Variants in TNS3 observed in about 807,000 individuals in gnomAD.
The protein encoded by TNS3 is tensin-3.
Under a neutral mutation model 140.9 loss-of-function variants are expected in TNS3, and 45 were observed. The ratio of observed to expected loss-of-function variants is 0.32; its 90% CI spans 0.25 to 0.41. The LOEUF (loss-of-function observed/expected upper bound fraction) is 0.41. Among genes scored for constraint, TNS3 ranks in the 10% least tolerant of loss-of-function variants. The pLI is 1.00. For synonymous variants in TNS3, 815 were observed against 788.4 expected, an observed-to-expected ratio of 1.03 and a Z score of -0.56; for missense variants, 1,716 against 1,906.7, an observed-to-expected ratio of 0.90 and a Z score of 1.86.
intron 10 of TNS3, 117 bp downstream of exon 10, chr7:47,423,984 C>G: frequency 9.5e-7 from 1 of 1,050,440 alleles, no homozygotes; most frequent in East Asian, 2.5e-5. Flanking sequence ...TTTGGCATGA[C>G]CCAAGAATAC....
intron 16 of TNS3, among the ~76,000 whole-genome samples, chr7:47,383,170 C>T (rs561902761): frequency 6.6e-6 from 1 of 152,350 alleles, no homozygotes; most frequent in Admixed American, 6.5e-5. Flanking sequence ...CCCAAATGCA[C>T]ACCAGCTAAC....
At chr7:47,471,689 A>G (rs1250080374) in intron 4 of TNS3, among the ~76,000 whole-genome samples, 3 of 152,228 alleles carry the variant, frequency 2.0e-5, no homozygotes, top group Non-Finnish European at 2.9e-5. Flanking sequence ...ATCTGAGCAG[A>G]ATGCGGCAGT....
At chr7:47,339,833 C>T (rs1788847280) in intron 20 of TNS3, among the ~76,000 whole-genome samples, 1 of 151,660 alleles carries the variant, frequency 6.6e-6, no homozygotes, top group Admixed American at 6.6e-5. Context: ...TATGTCTCCC[C>T]ACTTATTGAA....
intron 17 of TNS3, among the ~76,000 whole-genome samples, chr7:47,348,490 A>G (rs1789478516): frequency 6.6e-6 from 1 of 152,210 alleles, no homozygotes; most frequent in East Asian, 1.9e-4. Context: ...TCAACATGCA[A>G]GATAATATGT....
At chr7:47,555,619 C>A (rs1033010117) in intron 1 of TNS3, among the ~76,000 whole-genome samples, 3 of 152,174 alleles carry the variant, frequency 2.0e-5, no homozygotes, top group African/African-American at 7.2e-5. Flanking sequence ...GCCACAGCCA[C>A]CCCAACCTTC....
At chr7:47,421,003 T>A (rs1416791282) in intron 10 of TNS3, among the ~76,000 whole-genome samples, 1 of 152,170 alleles carries the variant, frequency 6.6e-6, no homozygotes, top group Non-Finnish European at 1.5e-5. Context: ...ATAGACAACA[T>A]GACTGATGGT....
chr7:47,289,494 T>C (rs886412669), intron 27 of TNS3, among the ~76,000 whole-genome samples: 64 of 152,302 alleles, frequency 4.2e-4, no homozygotes, highest in African/African-American at 1.5e-3. Context: ...CCACTACGAC[T>C]GCATCTAATG....
intron 3 of TNS3, among the ~76,000 whole-genome samples, chr7:47,482,199 A>C (rs1371264317): frequency 8.5e-5 from 13 of 152,234 alleles, no homozygotes; most frequent in Non-Finnish European, 1.9e-4. Flanking sequence ...GGAGAATCGT[A>C]GAGAATCTCA....
chr7:47,484,071 G>C (rs1026911521), intron 3 of TNS3, among the ~76,000 whole-genome samples: 9 of 152,232 alleles, frequency 5.9e-5, no homozygotes, highest in Non-Finnish European at 1.2e-4. Flanking sequence ...GCCTTGCCCT[G>C]AGCCTCCACA....
rs1794762729 is a variant in TNS3 at position 47,428,342 on chromosome 7, G to A, written c.359C>T (p.Ser120Phe). The change falls in exon 9 of 31, where the codon TCC becomes TTC. Residue 120 changes from serine (S) to phenylalanine (F), a missense_variant. Coordinates refer to ENST00000311160, the MANE Select transcript of TNS3 (RefSeq NM_022748.12). ...GKGRIGVVIS[S>F]YMHFTNVSAS... ...TGAGACGTTGGTGAAATGCATGTAGGATGATATGACCACTCCTATGCGTCC... is the reference window on the plus strand; with the variant it reads ...TGAGACGTTGGTGAAATGCATGTAGAATGATATGACCACTCCTATGCGTCC... The A allele has an allele frequency of 2.1e-6, 3 of 1,454,510 alleles. No homozygotes were observed. The highest frequency in any genetic ancestry group is 1.5e-5 in the South Asian group (1 of 65,324). 90.1% of individuals were successfully genotyped at this position (1,454,510 alleles called of 1,614,324 possible). A position where few individuals can be genotyped will look rare whatever the true frequency, so the allele number is the denominator to read the frequency against.
intron 23 of TNS3, among the ~76,000 whole-genome samples, chr7:47,299,559 T>A (rs540623215): frequency 2.0e-5 from 3 of 152,152 alleles, no homozygotes; most frequent in South Asian, 2.1e-4. Context: ...GTAAATAAAG[T>A]GTAGAAGCCT....
At chr7:47,399,099 A>AC (rs1793004043) in intron 15 of TNS3, among the ~76,000 whole-genome samples, 1 of 142,542 alleles carries the variant, frequency 7.0e-6, no homozygotes, top group Non-Finnish European at 1.6e-5. Flanking sequence ...AAAAAAAAAA[A>AC]ACTAGAAATA....
intron 4 of TNS3, chr7:47,470,712 G>T: frequency 1.0e-6 from 1 of 952,760 alleles, no homozygotes; most frequent in Non-Finnish European, 1.2e-6. Context: ...TGCAGCCCAG[G>T]CCTCCTAGCC....
chr7:47,527,646 C>T (rs1799246147), intron 2 of TNS3, among the ~76,000 whole-genome samples: 1 of 152,190 alleles, frequency 6.6e-6, no homozygotes, highest in African/African-American at 2.4e-5. Context: ...AAAACAATGG[C>T]TCAAACCTGT....
At chr7:47,553,564 C>T (rs779180188) in intron 1 of TNS3, among the ~76,000 whole-genome samples, 7 of 152,138 alleles carry the variant, frequency 4.6e-5, no homozygotes, top group Non-Finnish European at 1.0e-4. Context: ...GGTTTATTGA[C>T]TATTTTAAGC....
At chr7:47,280,088 C>A in intron 30 of TNS3, 76 bp downstream of exon 30, 2 of 1,575,068 alleles carry the variant, frequency 1.3e-6, no homozygotes, top group South Asian at 2.3e-5. Flanking sequence ...ACCCCCTGTG[C>A]AAATCTGGAA....
intron 3 of TNS3, among the ~76,000 whole-genome samples, chr7:47,496,946 G>C (rs2941531): frequency 0.47 from 70,873 of 151,996 alleles, 18,119 homozygotes; most frequent in East Asian, 0.73. Context: ...TCACAGAGCT[G>C]GCCAGAACCA....
At chr7:47,521,828 C>T (rs544738523) in intron 2 of TNS3, among the ~76,000 whole-genome samples, 2 of 152,188 alleles carry the variant, frequency 1.3e-5, no homozygotes, top group Admixed American at 1.3e-4. Flanking sequence ...AGGTTCTTCC[C>T]GCTGGATGGT....
chr7:47,438,115 C>T (rs1482869203), intron 6 of TNS3, among the ~76,000 whole-genome samples: 1 of 152,164 alleles, frequency 6.6e-6, no homozygotes, highest in African/African-American at 2.4e-5. Flanking sequence ...AAACGTCCCT[C>T]TCACTTCAGA....
Sources: allele counts gnomAD v4.1 joint callset (sites outside exome capture counted in the v4.1 genomes callset), GRCh38; gene constraint gnomAD v4.1.1; transcripts MANE v1.5; gene names NCBI Gene and HGNC (gene_info 2026-07-23, HGNC 2026-07-21).